Variants in URGCP observed in about 807,000 individuals in gnomAD.
URGCP encodes upregulator of cell proliferation.
In URGCP, 13 loss-of-function variants were observed where a neutral mutation model predicts 24.6. That is an observed-to-expected ratio of 0.53 (90% CI 0.34 to 0.84). URGCP has a LOEUF of 0.84. Among genes scored for constraint, URGCP ranks in the 40% least tolerant of loss-of-function variants. URGCP has a pLI of 0.01. For synonymous variants in URGCP, 444 were observed against 487.2 expected (o/e 0.91, Z 1.17); for missense variants, 899 against 1,194.3 (o/e 0.75, Z 3.64).
At chr7:43,917,281 G>C (rs2095916580) in intron 1 of URGCP, among the ~76,000 whole-genome samples, 1 of 152,232 alleles carries the variant, frequency 6.6e-6, no homozygotes, top group South Asian at 2.1e-4. Context: ...AAAAGGATTT[G>C]TGAGGTTGGT....
chr7:43,895,639 C>A (rs186087840), intron 1 of URGCP, among the ~76,000 whole-genome samples: 9 of 152,328 alleles, frequency 5.9e-5, no homozygotes, highest in African/African-American at 2.2e-4. Context: ...CATGGCACTG[C>A]GCTCCAGCCT....
chr7:43,925,815 T>TTTTTC (rs1554293880), intron 1 of URGCP, among the ~76,000 whole-genome samples: 71 of 144,940 alleles, frequency 4.9e-4, no homozygotes, highest in Middle Eastern at 3.5e-3. Flanking sequence ...TTTTTTTTTT[T>TTTTTC]CAAAAAAATG....
intron 1 of URGCP, among the ~76,000 whole-genome samples, chr7:43,905,346 C>A (rs1008701173): frequency 6.6e-6 from 1 of 152,118 alleles, no homozygotes; most frequent in Non-Finnish European, 1.5e-5. Flanking sequence ...TCAGCCTGGC[C>A]TTCCCAGGGA....
At chr7:43,897,436 GCCCTAACGTA>G (rs2095880693) in intron 1 of URGCP, among the ~76,000 whole-genome samples, 1 of 152,076 alleles carries the variant, frequency 6.6e-6, no homozygotes, top group South Asian at 2.1e-4. Context: ...CGGGGCAAAG[GCCCTAACGTA>G]CCCAGGGACC....
At chr7:43,912,223 C>T (rs1363398396) in intron 1 of URGCP, among the ~76,000 whole-genome samples, 1 of 152,150 alleles carries the variant, frequency 6.6e-6, no homozygotes, top group East Asian at 1.9e-4. Context: ...ATGGGCCGGG[C>T]GTGGTTGCTC....
At chr7:43,915,912 G>C (rs1231120153) in intron 1 of URGCP, among the ~76,000 whole-genome samples, 3 of 152,150 alleles carry the variant, frequency 2.0e-5, no homozygotes, top group African/African-American at 7.2e-5. Flanking sequence ...GGGAGGCTGA[G>C]GCAGGAGAAT....
chr7:43,886,857 C>T (rs1390842608), intron 3 of URGCP, among the ~76,000 whole-genome samples: 1 of 152,104 alleles, frequency 6.6e-6, no homozygotes, highest in African/African-American at 2.4e-5. Flanking sequence ...GGCCACCATA[C>T]CTTAAAGGTG....
intron 1 of URGCP, among the ~76,000 whole-genome samples, chr7:43,915,628 A>C (rs369494705): frequency 9.0e-4 from 137 of 152,334 alleles, no homozygotes; most frequent in Middle Eastern, 3.4e-3. Flanking sequence ...CTGTCTGTCC[A>C]GTGTTCCACA....
upstream of URGCP, among the ~76,000 whole-genome samples, chr7:43,907,613 C>T (rs1039579339): frequency 1.3e-5 from 2 of 152,170 alleles, no homozygotes; most frequent in Non-Finnish European, 2.9e-5. Context: ...AGCCAGAATA[C>T]CTGTGTTGGA....
rs2095844735 is a variant in URGCP at position 43,876,593 on chromosome 7, C to G, written c.*74G>C. ...GCCATTCTCAGGCACCAGAGCACAGCCCCACACGGGTGCCCCATCAGACAG... is the reference window on the plus strand; with the variant it reads ...GCCATTCTCAGGCACCAGAGCACAGGCCCACACGGGTGCCCCATCAGACAG... On this transcript the variant is annotated 3_prime_UTR_variant, in exon 6 of 6. Transcript: ENST00000453200. The G allele has an allele frequency of 2.5e-5, 37 of 1,509,986 alleles. No individual in the cohort carries two copies. Among genetic ancestry groups the G allele is most frequent in the Non-Finnish European group, 3.3e-5 (37 of 1,111,498 alleles). 93.5% of individuals were successfully genotyped at this position (1,509,986 alleles called of 1,614,324 possible).
intron 1 of URGCP, among the ~76,000 whole-genome samples, chr7:43,925,085 G>A (rs2095927428): frequency 6.6e-6 from 1 of 152,158 alleles, no homozygotes; most frequent in South Asian, 2.1e-4. Flanking sequence ...AAGGCCCCTG[G>A]ATGACAGTGA....
At chr7:43,894,570 G>A (rs1004952141) in intron 1 of URGCP, among the ~76,000 whole-genome samples, 3 of 151,564 alleles carry the variant, frequency 2.0e-5, no homozygotes, top group South Asian at 2.1e-4. Flanking sequence ...TATGTTGCCC[G>A]GCTGATGTCA....
intron 1 of URGCP, among the ~76,000 whole-genome samples, chr7:43,896,223 C>G (rs1188577644): frequency 6.6e-6 from 1 of 151,868 alleles, no homozygotes; most frequent in African/African-American, 2.4e-5. Flanking sequence ...AAAATTACAC[C>G]AGGTGCGGTG....
At chr7:43,881,982 C>G in intron 3 of URGCP, 25 bp from the exon 4 acceptor site, 1 of 1,613,884 alleles carries the variant, frequency 6.2e-7, no homozygotes, top group African/African-American at 1.3e-5. Context: ...AAACCAAATA[C>G]ATTTAGTTTC....
chr7:43,914,967 C>G (rs1442131421), intron 1 of URGCP, among the ~76,000 whole-genome samples: 1 of 152,168 alleles, frequency 6.6e-6, no homozygotes, highest in African/African-American at 2.4e-5. Context: ...TGGAGTGGCT[C>G]AGACTAACGG....
At chr7:43,890,352 C>T (rs1449189352) in intron 1 of URGCP, among the ~76,000 whole-genome samples, 1 of 150,614 alleles carries the variant, frequency 6.6e-6, no homozygotes, top group Non-Finnish European at 1.5e-5. Context: ...GTAGCTGGGA[C>T]TACAGGCGCC....
upstream of URGCP, among the ~76,000 whole-genome samples, chr7:43,907,927 G>A (rs955014703): frequency 2.0e-5 from 3 of 152,142 alleles, no homozygotes; most frequent in Admixed American, 2.0e-4. Flanking sequence ...CTGTAAATGG[G>A]AGCTGATAGG....
At chr7:43,881,598 G>C in intron 5 of URGCP, 61 bp downstream of exon 5, 1 of 1,611,088 alleles carries the variant, frequency 6.2e-7, no homozygotes, top group Non-Finnish European at 8.5e-7. Context: ...TGTGGGAACT[G>C]CTGGCCTAGA....
chr7:43,876,454 G>A lies in URGCP; in HGVS notation c.*213C>T. The A allele has an allele frequency of 1.7e-6, 1 of 590,644 alleles. No individual in the cohort carries two copies. The allele number at this position is 590,644 out of a possible 1,614,324, so 36.6% of individuals were successfully genotyped here. A position where few individuals can be genotyped will look rare whatever the true frequency, so the allele number is the denominator to read the frequency against. Reference sequence around the variant, plus strand: ...CTTGTCTCCCTACCCTGGGGGCTGTGATATTCTTGGTAACATCTCTGAGCT... The same window carrying A: ...CTTGTCTCCCTACCCTGGGGGCTGTAATATTCTTGGTAACATCTCTGAGCT... On this transcript the variant is annotated 3_prime_UTR_variant, in exon 6 of 6. Transcript: ENST00000453200.
Sources: allele counts gnomAD v4.1 joint callset (sites outside exome capture counted in the v4.1 genomes callset), GRCh38; gene constraint gnomAD v4.1.1; transcripts MANE v1.5; gene names NCBI Gene and HGNC (gene_info 2026-07-23, HGNC 2026-07-21).